GPATCH2: variants seen among roughly 807,000 people sequenced by gnomAD.
GPATCH2 encodes the protein G-patch domain containing 2, also known as G patch domain-containing protein 2.
A neutral mutation model predicts 58.0 loss-of-function variants in GPATCH2; 51 were observed. The ratio of observed to expected loss-of-function variants is 0.88; its 90% CI spans 0.70 to 1.11. GPATCH2 has a LOEUF of 1.11. GPATCH2 is among the 50% of genes most tolerant of loss of function. The pLI, the probability that GPATCH2 is intolerant of heterozygous loss-of-function variation, is 0.00. For missense variants in GPATCH2, 625 were observed against 652.2 expected (o/e 0.96, Z 0.45); for synonymous variants, 222 against 218.5 (o/e 1.02, Z -0.14).
chr1:217,610,998 G>C lies in GPATCH2; in HGVS notation c.909C>G (p.Pro303=). The change falls in exon 4 of 10, where the codon CCC becomes CCG. Residue 303 remains proline, a synonymous_variant. Coordinates refer to ENST00000366935, the MANE Select transcript of GPATCH2 (RefSeq NM_018040.5). Reference sequence around the variant, plus strand: ...CAGTAGGATCTTCCTTTTCCCACCAGGGCACAACTCCAGTGATACCACATG... The same window carrying C: ...CAGTAGGATCTTCCTTTTCCCACCACGGCACAACTCCAGTGATACCACATG... The part of the protein sequence containing the change: ...GGACGITGVV[P]WWEKEDPTEL... 1 of 1,613,226 alleles carries C rather than the reference G, an allele frequency of 6.2e-7. No homozygotes were observed. The highest frequency in any genetic ancestry group is 8.5e-7 in the Non-Finnish European group (1 of 1,179,488).
At chr1:217,543,848 G>A (rs1421279403) in intron 5 of GPATCH2, among the ~76,000 whole-genome samples, 1 of 151,916 alleles carries the variant, frequency 6.6e-6, no homozygotes, top group African/African-American at 2.4e-5. Context: ...AACAAAGAAG[G>A]GCAGGAAAAG....
At chr1:217,436,128 T>G (rs1658820468) in intron 9 of GPATCH2, among the ~76,000 whole-genome samples, 1 of 152,032 alleles carries the variant, frequency 6.6e-6, no homozygotes, top group Admixed American at 6.5e-5. Context: ...CATATGTTTT[T>G]AATTAAACCG....
Position 217,429,063 on chromosome 1 carries a change from T to G in GPATCH2, c.*2082A>C, listed in dbSNP as rs1163393906. 6.6e-6 allele frequency: 1 copy of G among 152,146 alleles called. No homozygotes were observed. The highest frequency in any genetic ancestry group is 1.5e-5 in the Non-Finnish European group (1 of 68,030). The allele number at this position is 152,146 out of a possible 1,614,324, so 9.4% of individuals were successfully genotyped here. ...TGGCTTCAAACTTGGCTTTTTGAGA[T>G]TCTAGGATTTTAGCAGATCTCCAGG... On this transcript the variant is annotated 3_prime_UTR_variant, in exon 10 of 10. Coordinates refer to ENST00000366935, the MANE Select transcript of GPATCH2 (RefSeq NM_018040.5).
At chr1:217,472,099 C>A (rs545074654) in intron 8 of GPATCH2, among the ~76,000 whole-genome samples, 1 of 151,936 alleles carries the variant, frequency 6.6e-6, no homozygotes, top group Non-Finnish European at 1.5e-5. Context: ...TTCAAAAAAA[C>A]GGTGCCATAT....
chr1:217,502,906 G>A (rs1662374357), intron 6 of GPATCH2, among the ~76,000 whole-genome samples: 2 of 152,082 alleles, frequency 1.3e-5, no homozygotes, highest in African/African-American at 2.4e-5. Flanking sequence ...TCTAGGGCCT[G>A]TGAGGGACAA....
Position 217,611,086 on chromosome 1 carries a change from GA to G in GPATCH2, c.836-16del. 3 of 1,592,804 alleles carry G rather than the reference GA, an allele frequency of 1.9e-6. No individual in the cohort carries two copies. The highest frequency in any genetic ancestry group is 2.3e-5 in the East Asian group (1 of 44,386). ...TTCATCATCACCTGTGCAAATACAA[GA>G]AACCCCCCCCCACCAAAGACTCAGT... On this transcript the variant is annotated splice_polypyrimidine_tract_variant and intron_variant, in intron 3 of 9. Coordinates refer to ENST00000366935, the MANE Select transcript of GPATCH2 (RefSeq NM_018040.5).
intron 3 of GPATCH2, among the ~76,000 whole-genome samples, chr1:217,611,344 T>G (rs1226057117): frequency 6.6e-6 from 1 of 151,954 alleles, no homozygotes; most frequent in East Asian, 1.9e-4. Flanking sequence ...ATTTGACAAC[T>G]GCATATACAA....
At chr1:217,545,206 C>T (rs924790003) in intron 5 of GPATCH2, among the ~76,000 whole-genome samples, 3 of 152,226 alleles carry the variant, frequency 2.0e-5, no homozygotes, top group Non-Finnish European at 2.9e-5. Flanking sequence ...AATATAAAAC[C>T]TGGCTGAGGT....
chr1:217,623,974 T>G (rs1669327081), intron 1 of GPATCH2, among the ~76,000 whole-genome samples: 1 of 152,170 alleles, frequency 6.6e-6, no homozygotes, highest in Non-Finnish European at 1.5e-5. Context: ...GAATCCAATT[T>G]ATTCCATGAT....
chr1:217,432,809 G>A (rs1332371904), intron 9 of GPATCH2, among the ~76,000 whole-genome samples: 3 of 151,948 alleles, frequency 2.0e-5, no homozygotes, highest in Non-Finnish European at 4.4e-5. Context: ...GAACATATTC[G>A]GCCCAGTCCA....
intron 5 of GPATCH2, among the ~76,000 whole-genome samples, chr1:217,546,580 T>G (rs928444022): frequency 2.0e-5 from 3 of 152,214 alleles, no homozygotes; most frequent in African/African-American, 7.2e-5. Flanking sequence ...ACTGGACCCC[T>G]TCCTTACAGC....
At chr1:217,471,232 T>C (rs1047782846) in intron 8 of GPATCH2, among the ~76,000 whole-genome samples, 1 of 152,106 alleles carries the variant, frequency 6.6e-6, no homozygotes, top group Non-Finnish European at 1.5e-5. Flanking sequence ...AAATAAAGCA[T>C]CACTTGCTAT....
At chr1:217,444,318 C>T (rs922854660) in intron 9 of GPATCH2, among the ~76,000 whole-genome samples, 22 of 152,244 alleles carry the variant, frequency 1.4e-4, no homozygotes, top group South Asian at 2.1e-4. Flanking sequence ...GGGGAACTAA[C>T]GAACATGCCT....
chr1:217,569,062 A>G (rs1428316553), intron 5 of GPATCH2, among the ~76,000 whole-genome samples: 2 of 152,082 alleles, frequency 1.3e-5, no homozygotes, highest in African/African-American at 4.8e-5. Context: ...TTCATTAGTA[A>G]AAGGATGACA....
intron 5 of GPATCH2, among the ~76,000 whole-genome samples, chr1:217,526,429 G>T (rs551114370): frequency 6.6e-6 from 1 of 152,262 alleles, no homozygotes; most frequent in South Asian, 2.1e-4. Flanking sequence ...TTTGATGGGG[G>T]AGGGAAAAAG....
At position 217,498,551 on chromosome 1, in the gene GPATCH2, A is replaced by G. The variant is rs973744762; in HGVS notation, c.1167-156T>C. 1.5e-5 allele frequency: 10 copies of G among 660,410 alleles called. No individual in the cohort carries two copies. In the African/African-American group the frequency reaches 1.8e-4, roughly 12 times the overall value. The allele number at this position is 660,410 out of a possible 1,614,324, so 40.9% of individuals were successfully genotyped here. On this transcript the variant is annotated intron_variant, in intron 6 of 9. Coordinates refer to ENST00000366935, the MANE Select transcript of GPATCH2 (RefSeq NM_018040.5). ...ATGTTTCATGTAATTCTAGACTTAGACCAATTTTGACAGAACTGTAAAAGT... is the reference window on the plus strand; with the variant it reads ...ATGTTTCATGTAATTCTAGACTTAGGCCAATTTTGACAGAACTGTAAAAGT...
intron 8 of GPATCH2, among the ~76,000 whole-genome samples, chr1:217,473,280 A>AGTGTGTGTGT (rs71166009): frequency 1.1e-4 from 15 of 142,312 alleles, no homozygotes; most frequent in African/African-American, 3.4e-4. Context: ...GGTTTAGTTC[A>AGTGTGTGTGT]GTGTGTGTGT....
chr1:217,595,763 G>T (rs537409654), intron 5 of GPATCH2, among the ~76,000 whole-genome samples: 1 of 152,068 alleles, frequency 6.6e-6, no homozygotes, highest in Non-Finnish European at 1.5e-5. Context: ...GCCTCCCAAA[G>T]TGCTGGGATT....
intron 5 of GPATCH2, among the ~76,000 whole-genome samples, chr1:217,570,533 T>C (rs985200145): frequency 5.9e-5 from 9 of 152,246 alleles, no homozygotes; most frequent in Non-Finnish European, 7.3e-5. Flanking sequence ...AGAACATTTT[T>C]TTTAATTAGT....
Sources: allele counts gnomAD v4.1 joint callset (sites outside exome capture counted in the v4.1 genomes callset), GRCh38; gene constraint gnomAD v4.1.1; transcripts MANE v1.5; gene names NCBI Gene and HGNC (gene_info 2026-07-23, HGNC 2026-07-21).